The following MTA3 variants were observed in gnomAD, a reference collection of about 807,000 sequenced individuals.
MTA3 encodes the protein metastasis associated 1 family member 3.
A neutral mutation model predicts 83.5 loss-of-function variants in MTA3; 34 were observed. The ratio of observed to expected loss-of-function variants is 0.41; its 90% CI spans 0.31 to 0.54. MTA3 has a LOEUF of 0.54. MTA3 is among the 20% of genes least tolerant of loss of function. The pLI, the probability that MTA3 is intolerant of heterozygous loss-of-function variation, is 0.33. For synonymous variants in MTA3, 303 were observed against 252.7 expected, an observed-to-expected ratio of 1.20 and a Z score of -1.89; for missense variants, 761 against 726.4, an observed-to-expected ratio of 1.05 and a Z score of -0.55.
At chr2:42,639,546 A>G (rs1054852899) in intron 4 of MTA3, among the ~76,000 whole-genome samples, 7 of 152,170 alleles carry the variant, frequency 4.6e-5, no homozygotes, top group East Asian at 1.9e-4. Flanking sequence ...CCAAGCTCAG[A>G]TCAAATGTAA....
At position 42,754,353 on chromosome 2, in the gene MTA3, TC is replaced by T; in HGVS notation, c.*955del. 4 of 985,488 alleles carry T rather than the reference TC, an allele frequency of 4.1e-6. No homozygotes were observed. The highest frequency in any genetic ancestry group is 4.8e-6 in the Non-Finnish European group (4 of 829,998). 61.0% of individuals were successfully genotyped at this position (985,488 alleles called of 1,614,324 possible). ...AGAGAACTGTGTTTGTGGGTATGAG[TC>T]TGTGTGGCCAACCCCATGACCCCCA... On this transcript the variant is annotated 3_prime_UTR_variant, in exon 17 of 17. Transcript: ENST00000405094.
intron 2 of MTA3, among the ~76,000 whole-genome samples, chr2:42,561,328 CTT>C (rs1315536143): frequency 2.8e-5 from 4 of 143,796 alleles, no homozygotes; most frequent in African/African-American, 2.5e-5. Context: ...TTATTTATTT[CTT>C]TTTTTTTTTT....
chr2:42,715,249 C>T (rs1666938904), intron 14 of MTA3, among the ~76,000 whole-genome samples: 1 of 152,078 alleles, frequency 6.6e-6, no homozygotes, highest in African/African-American at 2.4e-5. Flanking sequence ...CAAGTGTGGG[C>T]CAGACAATCC....
intron 6 of MTA3, among the ~76,000 whole-genome samples, chr2:42,650,241 G>C (rs1484541424): frequency 6.6e-6 from 1 of 152,186 alleles, no homozygotes; most frequent in Non-Finnish European, 1.5e-5. Flanking sequence ...GTCACGTCTG[G>C]TAGAGGGGGT....
intron 16 of MTA3, among the ~76,000 whole-genome samples, chr2:42,733,917 T>A (rs968423263): frequency 1.3e-5 from 2 of 152,254 alleles, no homozygotes; most frequent in African/African-American, 4.8e-5. Context: ...ATTTATTTTA[T>A]ATAAATTTTT....
chr2:42,630,296 G>A (rs565949108), intron 4 of MTA3, among the ~76,000 whole-genome samples: 54 of 152,260 alleles, frequency 3.5e-4, no homozygotes, highest in Non-Finnish European at 5.3e-4. Flanking sequence ...TAACCTGCAT[G>A]CAATTCTTGT....
chr2:42,506,590 G>C (rs1467276194), intron 2 of MTA3, among the ~76,000 whole-genome samples: 1 of 151,558 alleles, frequency 6.6e-6, no homozygotes, highest in Non-Finnish European at 1.5e-5. Context: ...GTGTAGGCGG[G>C]GGGTAACGGA....
At chr2:42,677,795 C>G (rs2104425437) in intron 8 of MTA3, among the ~76,000 whole-genome samples, 2 of 152,272 alleles carry the variant, frequency 1.3e-5, no homozygotes, top group Non-Finnish European at 2.9e-5. Context: ...AAACTTCTTT[C>G]TTTTGTAAAT....
At chr2:42,716,449 T>C (rs942425247) in intron 14 of MTA3, among the ~76,000 whole-genome samples, 1 of 152,106 alleles carries the variant, frequency 6.6e-6, no homozygotes, top group Admixed American at 6.6e-5. Flanking sequence ...CTAGTACCCA[T>C]TAGTTATTCT....
At chr2:42,594,055 G>A (rs1418611741) in intron 3 of MTA3, among the ~76,000 whole-genome samples, 2 of 150,558 alleles carry the variant, frequency 1.3e-5, no homozygotes, top group Non-Finnish European at 2.9e-5. Context: ...AGGTTCAAGC[G>A]ATTCTTCTGC....
chr2:42,638,501 A>G (rs1687396433), intron 4 of MTA3, among the ~76,000 whole-genome samples: 1 of 151,770 alleles, frequency 6.6e-6, no homozygotes, highest in Non-Finnish European at 1.5e-5. Flanking sequence ...CAGTCCCCCA[A>G]CCGCGAGTAG....
At chr2:42,661,763 C>A (rs1188516614) in intron 8 of MTA3, among the ~76,000 whole-genome samples, 1 of 151,964 alleles carries the variant, frequency 6.6e-6, no homozygotes, top group Admixed American at 6.6e-5. Context: ...ATAATAATAG[C>A]AAATTACAGA....
chr2:42,727,623 T>G (rs932419473), intron 16 of MTA3, among the ~76,000 whole-genome samples: 1 of 152,122 alleles, frequency 6.6e-6, no homozygotes, highest in African/African-American at 2.4e-5. Context: ...AAGGGGTATC[T>G]GAGTGTTTGG....
intron 5 of MTA3, among the ~76,000 whole-genome samples, chr2:42,641,895 A>T (rs1313319478): frequency 6.6e-6 from 1 of 151,796 alleles, no homozygotes; most frequent in Non-Finnish European, 1.5e-5. Context: ...TTGGAGAGGG[A>T]TGAGGATTGA....
At chr2:42,621,753 C>T (rs1235094229) in intron 4 of MTA3, among the ~76,000 whole-genome samples, 13 of 150,128 alleles carry the variant, frequency 8.7e-5, no homozygotes, top group African/African-American at 3.0e-4. Flanking sequence ...GGCTGCCGGG[C>T]GGAGGGGCTC....
At chr2:42,626,929 T>C (rs1422096269) in intron 4 of MTA3, among the ~76,000 whole-genome samples, 2 of 151,706 alleles carry the variant, frequency 1.3e-5, no homozygotes, top group African/African-American at 4.8e-5. Flanking sequence ...GTAGTAGAGA[T>C]TGGGTTTCAC....
intron 2 of MTA3, among the ~76,000 whole-genome samples, chr2:42,526,852 G>A (rs1054594483): frequency 6.6e-6 from 1 of 151,804 alleles, no homozygotes; most frequent in African/African-American, 2.4e-5. Context: ...TCAAGAGATC[G>A]AGACCATTCT....
intron 8 of MTA3, among the ~76,000 whole-genome samples, chr2:42,672,341 A>G (rs1164674630): frequency 1.4e-5 from 2 of 139,044 alleles, no homozygotes. Flanking sequence ...CCTCCTCTCT[A>G]TTAAAAAAAA....
intron 8 of MTA3, among the ~76,000 whole-genome samples, chr2:42,667,922 G>C (rs986752890): frequency 2.0e-5 from 3 of 152,164 alleles, no homozygotes; most frequent in African/African-American, 7.2e-5. Flanking sequence ...ATGAACAAAG[G>C]TGTACAAATG....
Sources: allele counts gnomAD v4.1 joint callset (sites outside exome capture counted in the v4.1 genomes callset), GRCh38; gene constraint gnomAD v4.1.1; transcripts MANE v1.5; gene names NCBI Gene and HGNC (gene_info 2026-07-23, HGNC 2026-07-21).